GPR158: variants seen among roughly 807,000 people sequenced by gnomAD.
GPR158 encodes the protein G protein-coupled receptor 158.
GPR158 carries 30 observed loss-of-function variants against 78.2 expected under a neutral mutation model. The ratio of observed to expected loss-of-function variants is 0.38; its 90% CI spans 0.29 to 0.52. GPR158 has a LOEUF of 0.52. Ranked by LOEUF, GPR158 falls within the 20% of genes least tolerant of loss-of-function variation. The pLI is 0.83. For synonymous variants in GPR158, 581 were observed against 591.1 expected (o/e 0.98, Z 0.25); for missense variants, 1,463 against 1,523.5 (o/e 0.96, Z 0.66).
intron 7 of GPR158, among the ~76,000 whole-genome samples, chr10:25,577,467 A>G (rs549058540): frequency 3.3e-5 from 5 of 152,294 alleles, no homozygotes; most frequent in African/African-American, 9.6e-5. Context: ...ATGTTAGTAC[A>G]TTTGCATTCT....
At chr10:25,591,228 G>C (rs897378230) in intron 8 of GPR158, among the ~76,000 whole-genome samples, 1 of 151,998 alleles carries the variant, frequency 6.6e-6, no homozygotes, top group African/African-American at 2.4e-5. Context: ...GAGAAGTCCT[G>C]CTGCAAGGAA....
At chr10:25,559,409 G>GCT (rs1836833052) in intron 6 of GPR158, among the ~76,000 whole-genome samples, 1 of 152,136 alleles carries the variant, frequency 6.6e-6, no homozygotes, top group Admixed American at 6.5e-5. Context: ...CAGCTCATCT[G>GCT]AAATATGTAG....
At chr10:25,201,463 C>T (rs1420555841) in intron 1 of GPR158, among the ~76,000 whole-genome samples, 28 of 152,138 alleles carry the variant, frequency 1.8e-4, no homozygotes, top group Admixed American at 1.8e-3. Context: ...GTTTCACTTC[C>T]TCTCTTCCTA....
At chr10:25,534,365 C>T (rs6482490) in intron 5 of GPR158, among the ~76,000 whole-genome samples, 62,594 of 151,746 alleles carry the variant, frequency 0.41, 13,133 homozygotes, top group East Asian at 0.56. Flanking sequence ...TTAGGCCAGG[C>T]GCGGTATCTC....
chr10:25,495,184 G>A (rs1259495515), intron 5 of GPR158, among the ~76,000 whole-genome samples: 1 of 149,952 alleles, frequency 6.7e-6, no homozygotes, highest in Non-Finnish European at 1.5e-5. Flanking sequence ...AGTACATGAG[G>A]AACAAATTCA....
chr10:25,226,579 A>G (rs1377415873), intron 2 of GPR158, among the ~76,000 whole-genome samples: 2 of 152,234 alleles, frequency 1.3e-5, no homozygotes, highest in African/African-American at 4.8e-5. Context: ...ATAGTCTCAC[A>G]GTAAGTGAGG....
intron 2 of GPR158, among the ~76,000 whole-genome samples, chr10:25,298,767 T>C (rs1854551533): frequency 6.6e-6 from 1 of 152,232 alleles, no homozygotes; most frequent in Admixed American, 6.5e-5. Context: ...TCAAGTCTTC[T>C]ACATTTCCCT....
chr10:25,382,089 A>C (rs2130566349), intron 2 of GPR158, among the ~76,000 whole-genome samples: 1 of 152,304 alleles, frequency 6.6e-6, no homozygotes, highest in African/African-American at 2.4e-5. Flanking sequence ...TCAAAGTTAG[A>C]GCATAGATGC....
intron 5 of GPR158, among the ~76,000 whole-genome samples, chr10:25,509,943 A>G (rs1836061953): frequency 6.6e-6 from 1 of 152,082 alleles, no homozygotes; most frequent in African/African-American, 2.4e-5. Flanking sequence ...TGAACTCCTG[A>G]CCTCAGGTGA....
chr10:25,346,828 C>T (rs1237927779), intron 2 of GPR158, among the ~76,000 whole-genome samples: 2 of 151,878 alleles, frequency 1.3e-5, no homozygotes, highest in Non-Finnish European at 2.9e-5. Flanking sequence ...CTGCTATCCT[C>T]CAGTATACCT....
intron 2 of GPR158, among the ~76,000 whole-genome samples, chr10:25,385,004 A>G (rs1021192794): frequency 2.6e-5 from 4 of 152,122 alleles, no homozygotes. Flanking sequence ...TAACTATCTT[A>G]ACCTATTTAA....
At chr10:25,313,141 C>T (rs1268213638) in intron 2 of GPR158, among the ~76,000 whole-genome samples, 1 of 150,594 alleles carries the variant, frequency 6.6e-6, no homozygotes, top group Non-Finnish European at 1.5e-5. Flanking sequence ...GGTGACCTTA[C>T]CTTTTTTCTA....
chr10:25,466,617 A>T, intron 4 of GPR158, 34 bp from the exon 5 acceptor site: 1 of 1,432,652 alleles, frequency 7.0e-7, no homozygotes, highest in Non-Finnish European at 9.7e-7. Flanking sequence ...TAGAAATGTA[A>T]GTTAGTAATG....
At chr10:25,520,909 G>A (rs112920694) in intron 5 of GPR158, among the ~76,000 whole-genome samples, 5 of 152,286 alleles carry the variant, frequency 3.3e-5, no homozygotes, top group Non-Finnish European at 5.9e-5. Flanking sequence ...GGAGCTTCCC[G>A]GCTTCTTTGT....
At chr10:25,274,764 T>TA (rs925203177) in intron 2 of GPR158, among the ~76,000 whole-genome samples, 17 of 152,314 alleles carry the variant, frequency 1.1e-4, no homozygotes, top group African/African-American at 3.1e-4. Context: ...TAACAAGCGT[T>TA]AAAAAAAGTT....
At chr10:25,366,839 C>G (rs982778165) in intron 2 of GPR158, among the ~76,000 whole-genome samples, 1 of 81,162 alleles carries the variant, frequency 1.2e-5, no homozygotes, top group Non-Finnish European at 3.5e-5. Context: ...GAGGTTGAAA[C>G]CTTTCTATAT....
intron 2 of GPR158, among the ~76,000 whole-genome samples, chr10:25,310,528 T>A (rs1036190524): frequency 6.6e-6 from 1 of 152,170 alleles, no homozygotes; most frequent in Non-Finnish European, 1.5e-5. Context: ...GAATGTGGGA[T>A]GTTTTTCCAT....
chr10:25,241,280 C>CTTTCCTTTCTTTCTTTCCTTTCT (rs59929117), intron 2 of GPR158, among the ~76,000 whole-genome samples: 1 of 24,626 alleles, frequency 4.1e-5, no homozygotes, highest in Non-Finnish European at 9.0e-5. Flanking sequence ...TCCTTTCTTT[C>CTTTCCTTTCTTTCTTTCCTTTCT]TTTCTTTTCT....
At chr10:25,361,945 G>A (rs893260743) in intron 2 of GPR158, among the ~76,000 whole-genome samples, 6 of 151,822 alleles carry the variant, frequency 4.0e-5, no homozygotes, top group South Asian at 2.1e-4. Context: ...TCACTCTGTT[G>A]TGTCCTTCAG....
Sources: allele counts gnomAD v4.1 joint callset (sites outside exome capture counted in the v4.1 genomes callset), GRCh38; gene constraint gnomAD v4.1.1; transcripts MANE v1.5; gene names NCBI Gene and HGNC (gene_info 2026-07-23, HGNC 2026-07-21).